The following STXBP5L variants were observed in gnomAD, a reference collection of about 807,000 sequenced individuals.
STXBP5L encodes syntaxin binding protein 5L, also known as syntaxin-binding protein 5-like.
In STXBP5L, 65 loss-of-function variants were observed where a neutral mutation model predicts 144.5. The ratio of observed to expected loss-of-function variants is 0.45; its 90% CI spans 0.37 to 0.55. The LOEUF (loss-of-function observed/expected upper bound fraction) is 0.55. Ranked by LOEUF, STXBP5L falls within the 20% of genes least tolerant of loss-of-function variation. The pLI is 0.00. For synonymous variants in STXBP5L, 505 were observed against 469.6 expected (o/e 1.08, Z -0.97); for missense variants, 1,298 against 1,405.5 (o/e 0.92, Z 1.22).
At chr3:121,074,991 G>A (rs759267407) in intron 5 of STXBP5L, among the ~76,000 whole-genome samples, 1 of 152,154 alleles carries the variant, frequency 6.6e-6, no homozygotes, top group Non-Finnish European at 1.5e-5. Flanking sequence ...TGAGTGCTCT[G>A]CACCAGTATT....
chr3:121,046,393 T>C (rs1220935301), intron 5 of STXBP5L, among the ~76,000 whole-genome samples: 1 of 152,150 alleles, frequency 6.6e-6, no homozygotes, highest in Non-Finnish European at 1.5e-5. Context: ...TGGAGAGGAG[T>C]TCCTCCTCCT....
chr3:121,199,832 T>A (rs1559856300), intron 9 of STXBP5L, among the ~76,000 whole-genome samples: 2 of 152,090 alleles, frequency 1.3e-5, no homozygotes, highest in Non-Finnish European at 2.9e-5. Context: ...AGGGGTGAAG[T>A]CGACTTGATC....
intron 9 of STXBP5L, among the ~76,000 whole-genome samples, chr3:121,161,240 CTT>C (rs202218213): frequency 2.2e-5 from 3 of 138,942 alleles, no homozygotes. Context: ...TTTGCTTTTG[CTT>C]TTTTTTTTTT....
chr3:121,005,767 G>C (rs1944240025), intron 3 of STXBP5L, among the ~76,000 whole-genome samples: 1 of 152,048 alleles, frequency 6.6e-6, no homozygotes, highest in Non-Finnish European at 1.5e-5. Context: ...GTTCTCATTG[G>C]TTTCAAAGAA....
intron 8 of STXBP5L, among the ~76,000 whole-genome samples, chr3:121,155,738 C>A (rs1162592395): frequency 1.3e-5 from 2 of 151,670 alleles, no homozygotes; most frequent in African/African-American, 4.8e-5. Context: ...CTATATGAGA[C>A]CCTGATCTCT....
intron 9 of STXBP5L, among the ~76,000 whole-genome samples, chr3:121,184,809 C>A (rs1418906008): frequency 6.6e-6 from 1 of 152,126 alleles, no homozygotes; most frequent in East Asian, 1.9e-4. Context: ...TAAGGGCAGC[C>A]AGAGAGAAAG....
intron 3 of STXBP5L, among the ~76,000 whole-genome samples, chr3:121,018,346 C>T (rs1945290051): frequency 6.6e-6 from 1 of 151,956 alleles, no homozygotes; most frequent in Non-Finnish European, 1.5e-5. Context: ...GTAATTAAGA[C>T]AGTGTTGTAC....
At chr3:121,114,904 T>C (rs544258609) in intron 5 of STXBP5L, 21 bp from the exon 6 acceptor site, 2 of 1,443,462 alleles carry the variant, frequency 1.4e-6, no homozygotes, top group Non-Finnish European at 9.2e-7. Flanking sequence ...GATATTTTAA[T>C]TATAATTTTC....
intron 3 of STXBP5L, among the ~76,000 whole-genome samples, chr3:121,015,735 T>C (rs562690975): frequency 5.5e-4 from 84 of 152,258 alleles, no homozygotes; most frequent in Middle Eastern, 3.4e-3. Context: ...AAAAGTATTT[T>C]CCTGGAAAAA....
chr3:121,307,988 C>T (rs1366124684), intron 19 of STXBP5L, among the ~76,000 whole-genome samples: 1 of 152,040 alleles, frequency 6.6e-6, no homozygotes, highest in Non-Finnish European at 1.5e-5. Flanking sequence ...ATTAACAGCT[C>T]ATCAGAAACA....
chr3:120,949,864 A>T (rs1042015621), intron 2 of STXBP5L, among the ~76,000 whole-genome samples: 22 of 151,372 alleles, frequency 1.5e-4, no homozygotes, highest in African/African-American at 4.8e-4. Flanking sequence ...ATGCCTCCAG[A>T]TTTGTTTTCT....
chr3:121,052,795 A>G (rs911289606), intron 5 of STXBP5L, among the ~76,000 whole-genome samples: 2 of 152,150 alleles, frequency 1.3e-5, no homozygotes, highest in East Asian at 1.9e-4. Flanking sequence ...AGGAAAAGAG[A>G]AAGTCAAATT....
At chr3:121,034,062 A>G (rs554927297) in intron 3 of STXBP5L, among the ~76,000 whole-genome samples, 1 of 152,144 alleles carries the variant, frequency 6.6e-6, no homozygotes, top group Non-Finnish European at 1.5e-5. Flanking sequence ...ATGAGCATCT[A>G]TAATATGCCA....
intron 9 of STXBP5L, among the ~76,000 whole-genome samples, chr3:121,188,532 T>A (rs1204637065): frequency 2.0e-5 from 3 of 150,450 alleles, no homozygotes; most frequent in African/African-American, 7.3e-5. Context: ...CCAATATCCC[T>A]GATGAACATC....
rs149552114 is a variant in STXBP5L at position 121,102,412 on chromosome 3, C to T, written c.471-12513C>T. Among the ~76,000 whole-genome samples, 419 of 152,050 alleles carry T rather than the reference C, an allele frequency of 2.8e-3. 3 individuals are homozygous for T. The highest frequency in any genetic ancestry group is 9.1e-3 in the African/African-American group (379 of 41,524). ...GAGAACCCAGAAATAAAGCCACACA[C>T]CTACAGCCATCTGATCTTTGACAAA... On this transcript the variant is annotated intron_variant, in intron 5 of 26. Transcript: ENST00000471454.
intron 5 of STXBP5L, among the ~76,000 whole-genome samples, chr3:121,096,915 A>T (rs1307989580): frequency 6.6e-6 from 1 of 152,098 alleles, no homozygotes; most frequent in East Asian, 1.9e-4. Context: ...TCAGGCAGGG[A>T]TGTTTAAGTC....
chr3:121,225,713 C>A (rs1043477789), intron 11 of STXBP5L, among the ~76,000 whole-genome samples: 5 of 152,214 alleles, frequency 3.3e-5, no homozygotes, highest in Admixed American at 6.6e-5. Flanking sequence ...AAATGCCACA[C>A]CACAAATCTT....
Position 121,223,129 on chromosome 3 carries a change from A to G in STXBP5L, c.1083A>G (p.Leu361=). 1.2e-6 allele frequency: 2 copies of G among 1,608,776 alleles called. 1 individual carries two copies. Among genetic ancestry groups the G allele is most frequent in the South Asian group, 2.2e-5 (2 of 89,714 alleles). The change falls in exon 11 of 27, where the codon CTA becomes CTG. Residue 361 remains leucine (L), a synonymous_variant. Transcript: ENST00000471454. ...TGGATCATCCTATTGTTGAATTTCTAACTTTATGTGAAACGCCCTATCCAA... is the reference window on the plus strand; with the variant it reads ...TGGATCATCCTATTGTTGAATTTCTGACTTTATGTGAAACGCCCTATCCAA... ...LEMDHPIVEF[L]TLCETPYPNE...
Position 121,257,276 on chromosome 3 carries a change from G to A in STXBP5L, c.1775G>A (p.Gly592Glu). The A allele has an allele frequency of 6.2e-7, 1 of 1,613,566 alleles. No homozygotes were observed. Among genetic ancestry groups the A allele is most frequent in the Non-Finnish European group, 8.5e-7 (1 of 1,179,668 alleles). Reference protein sequence around the residue: ...AQLPSSRSLSGSTNTVASEGV... With the variant: ...AQLPSSRSLSESTNTVASEGV... ...CTTCCTTCTTCAAGGAGTCTTTCTG[G>A]GAGCACTAACACTGTTGCTAGTGAA... Residue 592 changes from glycine (G) to glutamate (E), a missense_variant, in exon 17 of 27, where the codon GGG (glycine) becomes GAG (glutamate). By Grantham distance (98) the Gly-to-Glu change is moderately conservative. Coordinates refer to ENST00000471454, the MANE Select transcript of STXBP5L (RefSeq NM_001308330.2).
Sources: allele counts gnomAD v4.1 joint callset (sites outside exome capture counted in the v4.1 genomes callset), GRCh38; gene constraint gnomAD v4.1.1; transcripts MANE v1.5; gene names NCBI Gene and HGNC (gene_info 2026-07-23, HGNC 2026-07-21).